Variants in VNN1 observed in about 807,000 individuals in gnomAD.
VNN1 encodes vanin 1, also known as pantetheinase.
Under a neutral mutation model 41.9 loss-of-function variants are expected in VNN1, and 29 were observed. The ratio of observed to expected loss-of-function variants is 0.69; its 90% CI spans 0.52 to 0.94. The LOEUF is 0.94. VNN1 is among the 40% of genes least tolerant of loss of function. The pLI, the probability that VNN1 is intolerant of heterozygous loss-of-function variation, is 0.00. For missense variants in VNN1, 637 were observed against 621.1 expected (o/e 1.03, Z -0.27); for synonymous variants, 233 against 224.4 (o/e 1.04, Z -0.34).
intron 2 of VNN1, among the ~76,000 whole-genome samples, chr6:132,707,505 C>G (rs1030464353): frequency 9.9e-5 from 15 of 152,176 alleles, no homozygotes; most frequent in Non-Finnish European, 2.1e-4. Context: ...ATGTTTATTG[C>G]AACTCTGTTC....
intron 5 of VNN1, among the ~76,000 whole-genome samples, chr6:132,688,127 A>G (rs1240812557): frequency 6.6e-6 from 1 of 152,108 alleles, no homozygotes; most frequent in Non-Finnish European, 1.5e-5. Flanking sequence ...TTATACCAAA[A>G]TTCCTTATCT....
chr6:132,697,324 T>C (rs1424361621), intron 2 of VNN1, among the ~76,000 whole-genome samples: 1 of 152,088 alleles, frequency 6.6e-6, no homozygotes, highest in Non-Finnish European at 1.5e-5. Context: ...TAGAATGTAC[T>C]GGAACAGTGA....
intron 2 of VNN1, among the ~76,000 whole-genome samples, 186 bp from the exon 3 acceptor site, chr6:132,694,368 T>C (rs1008791054): frequency 4.6e-5 from 7 of 152,182 alleles, no homozygotes; most frequent in African/African-American, 1.7e-4. Context: ...TTGAGTAAAA[T>C]TGGTTGTAGG....
In VNN1 at chr6:132,692,362, A is replaced by T; in HGVS notation, c.1049T>A (p.Val350Asp). The T allele has an allele frequency of 6.2e-7, 1 of 1,614,134 alleles. No homozygotes were observed. Reference protein sequence around the residue: ...DEFTFVKLTGVAGNYTVCQKD... With the variant: ...DEFTFVKLTGDAGNYTVCQKD... ...CTGACAAACTGTATAATTTCCTGCA[A>T]CTCCTGTGAGCTTCACAAAAGTGAA... The change falls in exon 5 of 7, where the codon GTT becomes GAT. Residue 350 changes from valine to aspartate, a missense_variant. Physicochemically the swap from Val to Asp is radical, Grantham distance 152. Coordinates refer to ENST00000367928, the MANE Select transcript of VNN1 (RefSeq NM_004666.3).
intron 5 of VNN1, 30 bp from the exon 6 acceptor site, chr6:132,684,535 T>G: frequency 6.2e-7 from 1 of 1,611,252 alleles, no homozygotes; most frequent in Non-Finnish European, 8.5e-7. Flanking sequence ...CAGTAAGTCA[T>G]AAGAAAGTCA....
At position 132,692,431 on chromosome 6, in the gene VNN1, G is replaced by A; in HGVS notation, c.980C>T (p.Ser327Leu). The change falls in exon 5 of 7, where the codon TCA becomes TTA. Residue 327 changes from serine to leucine, a missense_variant. Ser to Leu is a moderately radical substitution (Grantham distance 145, BLOSUM62 -2). Transcript: ENST00000367928. ...GCCTTTAAATTCCTTGTTTCCTGAT[G>A]AGAGCGCTTCTATACTGCTGGCATA... ...TSYASSIEAL[S>L]SGNKEFKGTV... The A allele has an allele frequency of 1.2e-6, 2 of 1,614,148 alleles. No homozygotes were observed. The highest frequency in any genetic ancestry group is 2.2e-5 in the East Asian group (1 of 44,874).
chr6:132,713,998 A>C lies in VNN1; in HGVS notation c.38T>G (p.Leu13Arg). The C allele has an allele frequency of 6.2e-7, 1 of 1,614,124 alleles. No individual in the cohort carries two copies. The highest frequency in any genetic ancestry group is 1.1e-5 in the South Asian group (1 of 91,082). Reference protein sequence around the residue: ...TQLPAYVAILLFYVSRASCQD... With the variant: ...TQLPAYVAILRFYVSRASCQD... ...GCAGCTGGCTCTTGAGACATAGAAA[A>C]GCAAAATTGCCACGTAAGCTGGCAA... is the stretch of plus-strand genomic sequence containing the variant. Residue 13 changes from leucine to arginine, a missense_variant, in exon 1 of 7, where the codon CTT becomes CGT. By Grantham distance (102) the Leu-to-Arg change is moderately radical. Transcript: ENST00000367928.
intron 2 of VNN1, among the ~76,000 whole-genome samples, chr6:132,705,232 C>G (rs530044844): frequency 1.3e-5 from 2 of 152,134 alleles, no homozygotes; most frequent in South Asian, 4.1e-4. Flanking sequence ...AAGAAAACTA[C>G]AGCCCAACAT....
chr6:132,688,353 T>C (rs1778234749), intron 5 of VNN1, among the ~76,000 whole-genome samples: 2 of 152,202 alleles, frequency 1.3e-5, no homozygotes, highest in Admixed American at 1.3e-4. Flanking sequence ...ATATGTATTA[T>C]TATCTTTAAA....
At chr6:132,711,661 A>T in intron 2 of VNN1, 48 bp downstream of exon 2, 1 of 1,587,726 alleles carries the variant, frequency 6.3e-7, no homozygotes. Context: ...TTCCCAGGTA[A>T]ATCAAGTTGA....
chr6:132,687,416 G>A lies in VNN1; in HGVS notation c.1189-2911C>T, dbSNP rs542557449. 3.3e-5 allele frequency among the ~76,000 whole-genome samples: 5 copies of A among 152,224 alleles called. No homozygotes were observed. In the South Asian group the frequency reaches 8.3e-4, roughly 25 times the overall value. On this transcript the variant is annotated intron_variant, in intron 5 of 6. Coordinates refer to ENST00000367928, the MANE Select transcript of VNN1 (RefSeq NM_004666.3). ...GGCACAAGCCCAAAACAAGGAAGAC[G>A]GGGAACAGAAAACAGGAAATCCACA...
At chr6:132,683,372 C>A in intron 6 of VNN1, 50 bp from the exon 7 acceptor site, 2 of 1,532,236 alleles carry the variant, frequency 1.3e-6, no homozygotes, top group Admixed American at 2.1e-5. Context: ...TTTTACAATC[C>A]CATAAATCAC....
chr6:132,687,158 C>T (rs1038905547), intron 5 of VNN1, among the ~76,000 whole-genome samples: 1 of 152,100 alleles, frequency 6.6e-6, no homozygotes, highest in African/African-American at 2.4e-5. Flanking sequence ...ATGAGGAATA[C>T]ACATACAAAG....
chr6:132,708,180 C>T (rs1295532699), intron 2 of VNN1, among the ~76,000 whole-genome samples: 1 of 152,140 alleles, frequency 6.6e-6, no homozygotes, highest in Non-Finnish European at 1.5e-5. Context: ...AATATGCAAG[C>T]TTTCTTCTAT....
chr6:132,702,457 T>A (rs1778460192), intron 2 of VNN1, among the ~76,000 whole-genome samples: 2 of 152,130 alleles, frequency 1.3e-5, no homozygotes, highest in East Asian at 3.9e-4. Flanking sequence ...GGACTACAAT[T>A]CCTAGGCAAG....
At chr6:132,710,781 A>G (rs1005523972) in intron 2 of VNN1, among the ~76,000 whole-genome samples, 8 of 152,182 alleles carry the variant, frequency 5.3e-5, no homozygotes, top group African/African-American at 1.9e-4. Context: ...ATTGATGGGT[A>G]TTTGGGTTGG....
intron 2 of VNN1, among the ~76,000 whole-genome samples, chr6:132,703,707 TA>T (rs1339575850): frequency 6.6e-6 from 1 of 151,690 alleles, no homozygotes; most frequent in East Asian, 1.9e-4. Flanking sequence ...TACTTAACAA[TA>T]AAACATTGAA....
chr6:132,686,146 T>A (rs1398131633), intron 5 of VNN1, among the ~76,000 whole-genome samples: 2 of 152,078 alleles, frequency 1.3e-5, no homozygotes, highest in Non-Finnish European at 2.9e-5. Flanking sequence ...TTACACTTTT[T>A]AAAAAAAATG....
rs373053171 is a variant in VNN1 at position 132,683,088 on chromosome 6, C to T, written c.*52G>A. The T allele has an allele frequency of 5.3e-6, 8 of 1,517,760 alleles. No individual in the cohort carries two copies. The highest frequency in any genetic ancestry group is 7.1e-6 in the Non-Finnish European group (8 of 1,123,618). 94.0% of individuals were successfully genotyped at this position (1,517,760 alleles called of 1,614,324 possible). A position where few individuals can be genotyped will look rare whatever the true frequency, so the allele number is the denominator to read the frequency against. Reference sequence around the variant, plus strand: ...TAACCCGGACCAATCTTTCTTTTCTCATCCATCATTTTTTAAATTATCCCA... The same window carrying T: ...TAACCCGGACCAATCTTTCTTTTCTTATCCATCATTTTTTAAATTATCCCA... On this transcript the variant is annotated 3_prime_UTR_variant, in exon 7 of 7. Coordinates refer to ENST00000367928, the MANE Select transcript of VNN1 (RefSeq NM_004666.3).
Sources: gnomAD v4.1 joint callset for allele counts (sites outside exome capture counted in the v4.1 genomes callset) on GRCh38, gnomAD v4.1.1 for gene constraint, MANE v1.5 for transcripts, NCBI Gene and HGNC (gene_info 2026-07-23, HGNC 2026-07-21) for gene names.